Variants in GFRA2 observed in about 807,000 individuals in gnomAD.
GFRA2 encodes the protein GDNF family receptor alpha-2.
A neutral mutation model predicts 48.3 loss-of-function variants in GFRA2; 17 were observed. The ratio of observed to expected loss-of-function variants is 0.35; its 90% CI spans 0.24 to 0.53. The LOEUF is 0.53. Among genes scored for constraint, GFRA2 ranks in the 20% least tolerant of loss-of-function variants. The probability of loss-of-function intolerance (pLI) is 0.93; values close to 1 mark genes in which losing one functional copy is unlikely to be tolerated. For synonymous variants in GFRA2, 305 were observed against 257.2 expected, an observed-to-expected ratio of 1.19 and a Z score of -1.78; for missense variants, 660 against 637.3, an observed-to-expected ratio of 1.04 and a Z score of -0.38.
chr8:21,788,014 C>G (rs1447682511), intron 1 of GFRA2, 106 bp downstream of exon 1: 11 of 615,478 alleles, frequency 1.8e-5, no homozygotes, highest in African/African-American at 3.9e-5. Flanking sequence ...CTCCGCGGCG[C>G]GCTCTCCCCG....
chr8:21,712,666 T>C (rs1585242115), intron 4 of GFRA2, among the ~76,000 whole-genome samples: 1 of 150,798 alleles, frequency 6.6e-6, no homozygotes, highest in Admixed American at 6.6e-5. Context: ...GGCTGGGAGG[T>C]GGAGGTTGTA....
chr8:21,800,598 G>A lies in GFRA2; in HGVS notation c.-36+4419C>T, dbSNP rs1807752701. 8.5e-5 allele frequency among the ~76,000 whole-genome samples: 13 copies of A among 152,320 alleles called. No homozygotes were observed. The South Asian group carries it at 2.5e-3, about 29-fold the overall frequency. On this transcript the variant is annotated intron_variant, in intron 2 of 10. Transcript: ENST00000517328. Reference sequence around the variant, plus strand: ...GAAGCCCTCTATCCTTCACACCACAGATGACTTGTGTTATGCCCAGCCATA... The same window carrying A: ...GAAGCCCTCTATCCTTCACACCACAAATGACTTGTGTTATGCCCAGCCATA...
At chr8:21,804,854 C>T (rs1222266431) in intron 2 of GFRA2, among the ~76,000 whole-genome samples, 4 of 152,210 alleles carry the variant, frequency 2.6e-5, no homozygotes, top group Admixed American at 1.3e-4. Flanking sequence ...ACTGCCCTTT[C>T]TCCCCTGCTC....
intron 4 of GFRA2, among the ~76,000 whole-genome samples, chr8:21,720,779 T>C (rs1803556711): frequency 6.6e-6 from 1 of 152,190 alleles, no homozygotes; most frequent in Non-Finnish European, 1.5e-5. Context: ...GAATGCCTTG[T>C]CCCAACTCTA....
Position 21,735,949 on chromosome 8 carries a change from G to A in GFRA2, c.794+14639C>T, listed in dbSNP as rs141004403. Among the ~76,000 whole-genome samples, 382 of 152,288 alleles carry A rather than the reference G, an allele frequency of 2.5e-3. 2 individuals carry two copies. The highest frequency in any genetic ancestry group is 8.9e-3 in the African/African-American group (369 of 41,568). On this transcript the variant is annotated intron_variant, in intron 4 of 8. Transcript: ENST00000524240. ...ATTCCAGGTGTAAGCTAAAGCACCT[G>A]GCCACATTCTTGTTGCTTTCAAGAA...
chr8:21,711,844 G>C (rs1483370407), intron 4 of GFRA2, among the ~76,000 whole-genome samples: 1 of 152,150 alleles, frequency 6.6e-6, no homozygotes, highest in Non-Finnish European at 1.5e-5. Context: ...CGCAGTGTTT[G>C]TGTCCCTGGG....
At chr8:21,726,474 G>C (rs1803876276) in intron 4 of GFRA2, among the ~76,000 whole-genome samples, 1 of 152,168 alleles carries the variant, frequency 6.6e-6, no homozygotes, top group Admixed American at 6.5e-5. Context: ...TTCTCTCACA[G>C]TTCTGGAGGC....
At chr8:21,771,037 C>A (rs1280903695) in intron 3 of GFRA2, among the ~76,000 whole-genome samples, 1 of 152,200 alleles carries the variant, frequency 6.6e-6, no homozygotes, top group African/African-American at 2.4e-5. Context: ...CCACTGAGCA[C>A]CCCAGGCAGA....
intron 2 of GFRA2, among the ~76,000 whole-genome samples, chr8:21,801,312 CAGG>C (rs1807766302): frequency 6.6e-6 from 1 of 152,080 alleles, no homozygotes. Context: ...GACTGGGAGG[CAGG>C]AGGACAGGGC....
At chr8:21,759,544 G>GGAAGGAA (rs1805792066) in intron 3 of GFRA2, among the ~76,000 whole-genome samples, 2 of 82,680 alleles carry the variant, frequency 2.4e-5, no homozygotes, top group African/African-American at 5.0e-5. Flanking sequence ...GAAGGAAGGA[G>GGAAGGAA]GGAAGGAAGG....
Position 21,710,122 on chromosome 8 carries a change from G to A in GFRA2, c.795-4081C>T, listed in dbSNP as rs1047279988. On this transcript the variant is annotated intron_variant, in intron 4 of 8. Transcript: ENST00000524240. The stretch of plus-strand genomic sequence containing the variant: ...GAGTGGGTATCTGTCGCATGGCCAC[G>A]CTCCATCTCTCACTCGCTGTCTGTG... Among the ~76,000 whole-genome samples, 6 of 152,186 alleles carry A rather than the reference G, an allele frequency of 3.9e-5. 1 individual carries two copies. The highest frequency in any genetic ancestry group is 4.1e-4 in the South Asian group (2 of 4,834).
intron 3 of GFRA2, among the ~76,000 whole-genome samples, chr8:21,761,584 G>C (rs1300499154): frequency 6.6e-6 from 1 of 152,202 alleles, no homozygotes; most frequent in Non-Finnish European, 1.5e-5. Context: ...AAGAGAAAAA[G>C]GGACAATGTG....
intron 4 of GFRA2, among the ~76,000 whole-genome samples, chr8:21,739,961 G>A (rs899771297): frequency 8.5e-5 from 13 of 152,234 alleles, no homozygotes; most frequent in African/African-American, 3.1e-4. Context: ...GCCATAGCAG[G>A]AGAAGCTGAG....
At chr8:21,716,601 G>T (rs1004321393) in intron 4 of GFRA2, among the ~76,000 whole-genome samples, 1 of 152,188 alleles carries the variant, frequency 6.6e-6, no homozygotes, top group Non-Finnish European at 1.5e-5. Flanking sequence ...CGGCTATACT[G>T]TCTACTTCTG....
At chr8:21,776,060 C>G (rs1207799765) in intron 2 of GFRA2, among the ~76,000 whole-genome samples, 1 of 140,032 alleles carries the variant, frequency 7.1e-6, no homozygotes, top group Non-Finnish European at 1.5e-5. Context: ...CAGGGCACAG[C>G]CTCACAGACT....
chr8:21,764,624 C>T (rs193012028), intron 3 of GFRA2, among the ~76,000 whole-genome samples: 37 of 152,356 alleles, frequency 2.4e-4, no homozygotes, highest in African/African-American at 8.2e-4. Flanking sequence ...TCGCCAAAGG[C>T]TGCCCTGCCA....
chr8:21,778,804 T>C (rs1806833706), intron 2 of GFRA2, among the ~76,000 whole-genome samples: 1 of 152,106 alleles, frequency 6.6e-6, no homozygotes, highest in Non-Finnish European at 1.5e-5. Flanking sequence ...GAAGGGTCAC[T>C]TCAGCCCAGA....
chr8:21,700,593 T>C (rs1387525685), intron 7 of GFRA2, among the ~76,000 whole-genome samples: 1 of 152,150 alleles, frequency 6.6e-6, no homozygotes, highest in African/African-American at 2.4e-5. Flanking sequence ...TGTGGGGCTG[T>C]GGACATGCTG....
At chr8:21,741,898 G>A (rs1804760956) in intron 4 of GFRA2, among the ~76,000 whole-genome samples, 2 of 149,736 alleles carry the variant, frequency 1.3e-5, no homozygotes. Context: ...CCCAGCCTGG[G>A]TGACAGAGCA....
Sources: gnomAD v4.1 joint callset for allele counts (sites outside exome capture counted in the v4.1 genomes callset) on GRCh38, gnomAD v4.1.1 for gene constraint, MANE v1.5 for transcripts, NCBI Gene and HGNC (gene_info 2026-07-23, HGNC 2026-07-21) for gene names.